The following LARGE1 variants were observed in gnomAD, a reference collection of about 807,000 sequenced individuals.
The protein encoded by LARGE1 is xylosyl- and glucuronyltransferase LARGE1.
A neutral mutation model predicts 87.6 loss-of-function variants in LARGE1; 43 were observed. The ratio of observed to expected loss-of-function variants is 0.49; its 90% CI spans 0.38 to 0.63. The LOEUF (loss-of-function observed/expected upper bound fraction) is 0.63, where lower values mean the gene tolerates loss of function less well. Among genes scored for constraint, LARGE1 ranks in the 30% least tolerant of loss-of-function variants. The probability of loss-of-function intolerance (pLI) is 0.00; values close to 1 mark genes in which losing one functional copy is unlikely to be tolerated. For missense variants in LARGE1, 802 were observed against 1,000.2 expected (o/e 0.80, Z 2.67); for synonymous variants, 434 against 394.6 (o/e 1.10, Z -1.18).
At chr22:33,556,584 CAGGA>C (rs1426308982) in intron 6 of LARGE1, among the ~76,000 whole-genome samples, 2 of 43,928 alleles carry the variant, frequency 4.6e-5, no homozygotes, top group Non-Finnish European at 1.1e-4. Flanking sequence ...GGCAGGCAGG[CAGGA>C]AGGCAGGCAG....
At position 33,399,836 on chromosome 22, in the gene LARGE1, C is replaced by A. The variant is rs544214176; in HGVS notation, c.893-15532G>T. Among the ~76,000 whole-genome samples the A allele has an allele frequency of 4.7e-4, 71 of 152,314 alleles. 1 individual carries two copies. Among genetic ancestry groups the A allele is most frequent in the African/African-American group, 1.7e-3 (71 of 41,570 alleles). On this transcript the variant is annotated intron_variant, in intron 7 of 14. Transcript: ENST00000397394. ...GTGCTGGGATTAGAGGCGTGAGCCACCACGCCCGGCCAACTTCTGCTTTTT... is the reference window on the plus strand; with the variant it reads ...GTGCTGGGATTAGAGGCGTGAGCCAACACGCCCGGCCAACTTCTGCTTTTT...
intron 6 of LARGE1, among the ~76,000 whole-genome samples, chr22:33,499,435 C>T (rs909662034): frequency 9.2e-5 from 14 of 152,106 alleles, no homozygotes; most frequent in African/African-American, 3.4e-4. Context: ...TGAGATGGCA[C>T]GATCATGGTG....
At chr22:33,172,534 T>C (rs1311864525) in intron 11 of LARGE1, among the ~76,000 whole-genome samples, 1 of 152,148 alleles carries the variant, frequency 6.6e-6, no homozygotes, top group Non-Finnish European at 1.5e-5. Context: ...GTAAGCTTCC[T>C]GAGGCTTCCC....
chr22:33,085,057 C>A, the LARGE1 span, among the ~76,000 whole-genome samples: 12 of 152,244 alleles, frequency 7.9e-5, no homozygotes, highest in Admixed American at 4.6e-4. Flanking sequence ...GGGTGGATCA[C>A]CTGAGGTCAG....
intron 6 of LARGE1, among the ~76,000 whole-genome samples, chr22:33,496,759 A>C (rs1229848524): frequency 1.3e-5 from 2 of 152,164 alleles, no homozygotes; most frequent in Non-Finnish European, 2.9e-5. Context: ...TTCAGACTCT[A>C]TCTCTCATTC....
chr22:33,922,279 T>TGGGGGGTGGGGGGTGGGGGGG (rs1555893682), upstream of LARGE1: 1 of 63,510 alleles, frequency 1.6e-5, no homozygotes, highest in African/African-American at 5.8e-5. Context: ...GCTGGGGGGG[T>TGGGGGGTGGGGGGTGGGGGGG]GGGGCGGCAA....
chr22:33,112,168 C>T, the LARGE1 span, among the ~76,000 whole-genome samples: 1 of 152,154 alleles, frequency 6.6e-6, no homozygotes, highest in African/African-American at 2.4e-5. Context: ...AGCTGGCAGC[C>T]CAGTTAGGAG....
intron 1 of LARGE1, among the ~76,000 whole-genome samples, chr22:33,845,496 C>T (rs138051506): frequency 0.014 from 2,122 of 151,494 alleles, 57 homozygotes; most frequent in African/African-American, 0.049. Context: ...TTAGTAGAGA[C>T]GGGGTTTCTC....
intron 1 of LARGE1, among the ~76,000 whole-genome samples, chr22:33,903,248 A>G (rs1034691789): frequency 6.6e-6 from 1 of 152,198 alleles, no homozygotes; most frequent in African/African-American, 2.4e-5. Context: ...CAGAGGGGAG[A>G]CCATATGAAA....
At chr22:33,518,551 C>T (rs904023912) in intron 6 of LARGE1, among the ~76,000 whole-genome samples, 60 of 152,206 alleles carry the variant, frequency 3.9e-4, no homozygotes, top group African/African-American at 1.4e-3. Flanking sequence ...TCAGGTGTTG[C>T]GCTGGCCTCG....
chr22:33,109,584 C>CATTA, the LARGE1 span, among the ~76,000 whole-genome samples: 1 of 152,086 alleles, frequency 6.6e-6, no homozygotes, highest in East Asian at 1.9e-4. Flanking sequence ...CTAAAGTTAC[C>CATTA]ATTAATTAAT....
intron 6 of LARGE1, among the ~76,000 whole-genome samples, chr22:33,507,592 G>A (rs1186650081): frequency 6.6e-6 from 1 of 152,300 alleles, no homozygotes; most frequent in East Asian, 1.9e-4. Context: ...TAGGTATAAA[G>A]CTTCAGTTCA....
intron 11 of LARGE1, among the ~76,000 whole-genome samples, chr22:33,194,257 A>G (rs546689347): frequency 6.6e-6 from 1 of 152,172 alleles, no homozygotes; most frequent in Non-Finnish European, 1.5e-5. Context: ...GCATAAATTA[A>G]TTGCAGAAGA....
intron 2 of LARGE1, among the ~76,000 whole-genome samples, chr22:33,738,909 CATGTATGTCCCT>C (rs2149508365): frequency 6.6e-6 from 1 of 150,890 alleles, no homozygotes; most frequent in South Asian, 2.1e-4. Context: ...TGTATGTCCC[CATGTATGTCCCT>C]ATCCCCCCCG....
chr22:33,590,084 C>CT (rs1424491765), intron 5 of LARGE1, among the ~76,000 whole-genome samples: 1 of 152,108 alleles, frequency 6.6e-6, no homozygotes, highest in Admixed American at 6.6e-5. Context: ...ATTCATCTTT[C>CT]TTTTCTGTGG....
chr22:33,558,429 G>C (rs1295228050), intron 6 of LARGE1, among the ~76,000 whole-genome samples: 1 of 152,156 alleles, frequency 6.6e-6, no homozygotes, highest in African/African-American at 2.4e-5. Context: ...AAACACGCAA[G>C]GTCCAAGTGT....
At chr22:33,484,981 G>C (rs1284352938) in intron 6 of LARGE1, among the ~76,000 whole-genome samples, 1 of 145,032 alleles carries the variant, frequency 6.9e-6, no homozygotes, top group Non-Finnish European at 1.5e-5. Context: ...GCACGATCTT[G>C]GCTCACTGCA....
chr22:33,448,357 A>G (rs1474857013), intron 6 of LARGE1, among the ~76,000 whole-genome samples: 1 of 152,248 alleles, frequency 6.6e-6, no homozygotes. Context: ...CACAATGTAC[A>G]CAAATATCAA....
intron 1 of LARGE1, among the ~76,000 whole-genome samples, chr22:33,868,393 C>A (rs142927986): frequency 6.6e-6 from 1 of 152,236 alleles, no homozygotes; most frequent in Non-Finnish European, 1.5e-5. Context: ...CACTTCGAGA[C>A]GAGATGATGT....
Sources: gnomAD v4.1 joint callset for allele counts (sites outside exome capture counted in the v4.1 genomes callset) on GRCh38, gnomAD v4.1.1 for gene constraint, MANE v1.5 for transcripts, NCBI Gene and HGNC (gene_info 2026-07-23, HGNC 2026-07-21) for gene names.